DPP6: variants seen among roughly 807,000 people sequenced by gnomAD.
The protein encoded by DPP6 is dipeptidyl peptidase like 6, also known as A-type potassium channel modulatory protein DPP6.
DPP6 carries 69 observed loss-of-function variants against 122.6 expected under a neutral mutation model. The observed-to-expected ratio is 0.56, with a 90% CI of 0.46 to 0.69. DPP6 has a LOEUF of 0.69. DPP6 is among the 30% of genes least tolerant of loss of function. The pLI is 0.00. For missense variants in DPP6, 928 were observed against 1,116.9 expected, an observed-to-expected ratio of 0.83 and a Z score of 2.41; for synonymous variants, 418 against 433.1, an observed-to-expected ratio of 0.97 and a Z score of 0.43.
chr7:153,787,773 A>G, the DPP6 span, among the ~76,000 whole-genome samples: 93 of 149,484 alleles, frequency 6.2e-4, no homozygotes, highest in African/African-American at 2.2e-3. Context: ...TAAAATAAGA[A>G]AAAAAGAAAA....
At chr7:154,613,100 G>T (rs1834011834) in intron 5 of DPP6, among the ~76,000 whole-genome samples, 1 of 152,130 alleles carries the variant, frequency 6.6e-6, no homozygotes, top group African/African-American at 2.4e-5. Flanking sequence ...ATTCATGAGA[G>T]CTCTGCCCTT....
intron 1 of DPP6, among the ~76,000 whole-genome samples, chr7:154,264,417 A>G (rs1803238954): frequency 1.3e-5 from 2 of 152,132 alleles, no homozygotes; most frequent in Non-Finnish European, 2.9e-5. Flanking sequence ...CTTGAGTTTA[A>G]TCCTTGCTCA....
the DPP6 span, among the ~76,000 whole-genome samples, chr7:153,803,524 ACTGTCTC>A: frequency 6.6e-6 from 1 of 151,982 alleles, no homozygotes; most frequent in Non-Finnish European, 1.5e-5. Flanking sequence ...GATTCACGCC[ACTGTCTC>A]CTTGGTTCTC....
In DPP6 at chr7:154,603,962, G is replaced by A. The variant is rs1470423160; in HGVS notation, c.628-33859G>A. The stretch of plus-strand genomic sequence containing the variant: ...ATTTGCATGGTTGTTAGACCAGGTG[G>A]GTTCACTGCAAAACTTCATGGAACT... On this transcript the variant is annotated intron_variant, in intron 5 of 25. Transcript: ENST00000377770. Among the ~76,000 whole-genome samples the A allele has an allele frequency of 3.3e-5, 4 of 119,934 alleles. 2 individuals carry two copies. Among genetic ancestry groups the A allele is most frequent in the Admixed American group, 1.9e-4 (2 of 10,622 alleles). The allele number at this position is 119,934 out of a possible 152,430, so 78.7% of individuals were successfully genotyped here.
intron 5 of DPP6, among the ~76,000 whole-genome samples, chr7:154,615,943 G>A (rs2130827762): frequency 6.6e-6 from 1 of 152,326 alleles, no homozygotes; most frequent in African/African-American, 2.4e-5. Flanking sequence ...TTCCCCAGGA[G>A]TTTGCCTATT....
chr7:154,253,959 G>T (rs1277943140), intron 1 of DPP6, among the ~76,000 whole-genome samples: 1 of 152,172 alleles, frequency 6.6e-6, no homozygotes, highest in Non-Finnish European at 1.5e-5. Flanking sequence ...AAAGCAGGAG[G>T]TGCTGCAAAC....
the DPP6 span, among the ~76,000 whole-genome samples, chr7:153,759,927 C>G: frequency 2.0e-5 from 3 of 150,926 alleles, no homozygotes; most frequent in African/African-American, 7.3e-5. Flanking sequence ...CTCTCTCTCT[C>G]TCTCTCTGTT....
intron 1 of DPP6, among the ~76,000 whole-genome samples, chr7:154,001,621 A>T (rs4726368): frequency 6.7e-6 from 1 of 150,222 alleles, no homozygotes; most frequent in African/African-American, 2.5e-5. Flanking sequence ...ATGTTAAGGC[A>T]TATTAGGCCA....
At chr7:154,525,220 T>C (rs1440002799) in intron 3 of DPP6, among the ~76,000 whole-genome samples, 2 of 152,232 alleles carry the variant, frequency 1.3e-5, no homozygotes, top group African/African-American at 4.8e-5. Context: ...CATAGCTCAT[T>C]GCAGCCTCAA....
At chr7:153,953,438 A>G (rs989257037) in intron 1 of DPP6, among the ~76,000 whole-genome samples, 5 of 152,114 alleles carry the variant, frequency 3.3e-5, no homozygotes, top group Admixed American at 1.3e-4. Flanking sequence ...TTCTTTTCCC[A>G]CCAACCCTCA....
chr7:154,364,786 A>G (rs1812015529), intron 1 of DPP6, among the ~76,000 whole-genome samples: 1 of 152,180 alleles, frequency 6.6e-6, no homozygotes, highest in Admixed American at 6.5e-5. Context: ...TGATGTCTTA[A>G]CTTTTGCATT....
chr7:154,444,015 G>A (rs1295016453), intron 1 of DPP6, among the ~76,000 whole-genome samples: 2 of 152,182 alleles, frequency 1.3e-5, no homozygotes, highest in African/African-American at 4.8e-5. Context: ...ACTCCTGCAA[G>A]TTAGGAGGAA....
At chr7:153,878,359 A>G in the DPP6 span, among the ~76,000 whole-genome samples, 1 of 151,446 alleles carries the variant, frequency 6.6e-6, no homozygotes, top group African/African-American at 2.4e-5. Context: ...ATCATTATTT[A>G]TGTTAGTGCC....
chr7:153,929,820 A>G (rs566785146), intron 1 of DPP6, among the ~76,000 whole-genome samples: 84 of 152,310 alleles, frequency 5.5e-4, no homozygotes, highest in African/African-American at 2.0e-3. Context: ...GTGAATTTTC[A>G]TAAAGGTATT....
chr7:154,646,414 C>G (rs4246094), intron 6 of DPP6, among the ~76,000 whole-genome samples: 2 of 151,992 alleles, frequency 1.3e-5, no homozygotes, highest in Non-Finnish European at 2.9e-5. Flanking sequence ...CCCCACCACA[C>G]GAGCCCCCTC....
At chr7:154,582,441 G>T (rs989799151) in intron 5 of DPP6, among the ~76,000 whole-genome samples, 1 of 152,186 alleles carries the variant, frequency 6.6e-6, no homozygotes, top group Non-Finnish European at 1.5e-5. Flanking sequence ...TCTCCTCCTT[G>T]GACAGTGGAA....
At chr7:153,906,244 T>TA (rs1799845545) in intron 1 of DPP6, among the ~76,000 whole-genome samples, 1 of 152,180 alleles carries the variant, frequency 6.6e-6, no homozygotes, top group African/African-American at 2.4e-5. Context: ...GCAGTTGTGT[T>TA]ACGCGGATAT....
chr7:154,364,009 G>C (rs1263542495), intron 1 of DPP6, among the ~76,000 whole-genome samples: 6 of 152,180 alleles, frequency 3.9e-5, no homozygotes, highest in Non-Finnish European at 7.4e-5. Context: ...TGGGGAGTGT[G>C]TTGTCTGTCC....
intron 18 of DPP6, among the ~76,000 whole-genome samples, chr7:154,870,953 A>C (rs564665396): frequency 4.4e-5 from 5 of 114,336 alleles, no homozygotes; most frequent in African/African-American, 7.7e-5. Flanking sequence ...ACAGAATGAG[A>C]CTCCATCTCA....
Sources: allele counts gnomAD v4.1 joint callset (sites outside exome capture counted in the v4.1 genomes callset), GRCh38; gene constraint gnomAD v4.1.1; transcripts MANE v1.5; gene names NCBI Gene and HGNC (gene_info 2026-07-23, HGNC 2026-07-21).